The following FARSA variants were observed in gnomAD, a reference collection of about 807,000 sequenced individuals.
The protein encoded by FARSA is phenylalanyl-tRNA synthetase subunit alpha.
Under a neutral mutation model 63.2 loss-of-function variants are expected in FARSA, and 37 were observed. The ratio of observed to expected loss-of-function variants is 0.59; its 90% confidence interval spans 0.45 to 0.77. The LOEUF is 0.77. Ranked by LOEUF, FARSA falls within the 30% of genes least tolerant of loss-of-function variation. The probability of loss-of-function intolerance (pLI) is 0.00; values close to 1 mark genes in which losing one functional copy is unlikely to be tolerated. For synonymous variants in FARSA, 312 were observed against 285.1 expected, an observed-to-expected ratio of 1.09 and a Z score of -0.95; for missense variants, 618 against 696.6, an observed-to-expected ratio of 0.89 and a Z score of 1.27.
rs373645743 is a variant in FARSA at position 12,930,425 on chromosome 19, G to A, written c.384+4C>T. 52 of 1,613,604 alleles carry A rather than the reference G, an allele frequency of 3.2e-5. No individual in the cohort carries two copies. The highest frequency in any genetic ancestry group is 1.2e-4 in the African/African-American group (9 of 74,938). ...TGCCCCCTGACCAGCCCGCAGGAAC[G>A]CACCACTCGGAACACCCGGGGCCCG... is the stretch of plus-strand genomic sequence containing the variant. On this transcript the variant is annotated splice_donor_region_variant and intron_variant, in intron 3 of 12. Transcript: ENST00000314606.
At position 12,928,825 on chromosome 19, in the gene FARSA, T is replaced by C. The variant is rs765485384; in HGVS notation, c.526A>G (p.Ser176Gly). Residue 176 changes from serine to glycine, a missense_variant, in exon 5 of 13, where the codon AGC becomes GGC. Ser to Gly is a moderately conservative substitution (Grantham distance 56). Coordinates refer to ENST00000314606, the MANE Select transcript of FARSA (RefSeq NM_004461.3). ...CTGGTACTAAAGGCACTGCCTTTGC[T>C]CACCCAGTAGGTCTTCAGAGTCCTG... Reference protein sequence around the residue: ...AEVTLKTYWVSKGSAFSTSIS... With the variant: ...AEVTLKTYWVGKGSAFSTSIS... 1 of 1,614,132 alleles carries C rather than the reference T, an allele frequency of 6.2e-7. No homozygotes were observed. Among genetic ancestry groups the C allele is most frequent in the South Asian group, 1.1e-5 (1 of 91,084 alleles).
Sources: allele counts gnomAD v4.1 joint callset, GRCh38; gene constraint gnomAD v4.1.1; transcripts MANE v1.5; gene names NCBI Gene and HGNC (gene_info 2026-07-23, HGNC 2026-07-21).